Variants in SLC35F1 observed in about 807,000 individuals in gnomAD.
The protein encoded by SLC35F1 is chromosome 6 open reading frame 169.
Under a neutral mutation model 48.7 loss-of-function variants are expected in SLC35F1, and 14 were observed. That is an observed-to-expected ratio of 0.29 (90% CI 0.19 to 0.45). The LOEUF (loss-of-function observed/expected upper bound fraction) is 0.45, where lower values mean the gene tolerates loss of function less well. Ranked by LOEUF, SLC35F1 falls within the 20% of genes least tolerant of loss-of-function variation. The probability of loss-of-function intolerance (pLI) is 1.00; values close to 1 mark genes in which losing one functional copy is unlikely to be tolerated. For synonymous variants in SLC35F1, 190 were observed against 202.2 expected, an observed-to-expected ratio of 0.94 and a Z score of 0.51; for missense variants, 404 against 500.0, an observed-to-expected ratio of 0.81 and a Z score of 1.83.
chr6:118,003,227 C>T (rs1384833487), intron 1 of SLC35F1, among the ~76,000 whole-genome samples: 1 of 152,208 alleles, frequency 6.6e-6, no homozygotes, highest in Admixed American at 6.5e-5. Flanking sequence ...TTTGCTGTGG[C>T]ATGGCTGAGT....
intron 1 of SLC35F1, among the ~76,000 whole-genome samples, chr6:117,968,513 A>C (rs935092601): frequency 6.6e-6 from 1 of 152,198 alleles, no homozygotes; most frequent in Non-Finnish European, 1.5e-5. Flanking sequence ...GGAGTGCCAA[A>C]ACTCTACCAA....
intron 1 of SLC35F1, among the ~76,000 whole-genome samples, chr6:118,060,000 G>A (rs553131728): frequency 1.3e-5 from 2 of 152,298 alleles, no homozygotes; most frequent in African/African-American, 4.8e-5. Context: ...GAGAAGTTAA[G>A]TATATAATTG....
At chr6:118,117,190 C>T (rs372387100) in intron 1 of SLC35F1, among the ~76,000 whole-genome samples, 1 of 152,116 alleles carries the variant, frequency 6.6e-6, no homozygotes, top group African/African-American at 2.4e-5. Flanking sequence ...TACACTTAAC[C>T]GTACCAACAC....
rs887467029 is a variant in SLC35F1, at chr6:118,076,871, G to A, written c.174-77574G>A. ...TAACACTGTAATTATTGTAGGCTTA[G>A]ACGCTTTACCATATTTATTTTATAT... On this transcript the variant is annotated intron_variant, in intron 1 of 7. Coordinates refer to ENST00000360388, the MANE Select transcript of SLC35F1 (RefSeq NM_001029858.4). Among the ~76,000 whole-genome samples, 3 of 151,944 alleles carry A rather than the reference G, an allele frequency of 2.0e-5. No individual in the cohort carries two copies. The South Asian group carries it at 6.2e-4, about 32-fold the overall frequency.
At chr6:118,015,898 G>T (rs1026258574) in intron 1 of SLC35F1, among the ~76,000 whole-genome samples, 15 of 152,126 alleles carry the variant, frequency 9.9e-5, no homozygotes, top group African/African-American at 3.1e-4. Context: ...CAGTTTCTCA[G>T]AAATAGACAG....
At chr6:118,078,760 G>T (rs986729531) in intron 1 of SLC35F1, among the ~76,000 whole-genome samples, 5 of 152,134 alleles carry the variant, frequency 3.3e-5, no homozygotes, top group African/African-American at 4.8e-5. Flanking sequence ...AGAAGCTTGG[G>T]TACCCTTTCA....
chr6:118,158,197 T>C (rs1372525194), intron 2 of SLC35F1, among the ~76,000 whole-genome samples: 1 of 152,232 alleles, frequency 6.6e-6, no homozygotes, highest in Non-Finnish European at 1.5e-5. Context: ...CTCAGAATGA[T>C]TATTTGTTTT....
intron 3 of SLC35F1, among the ~76,000 whole-genome samples, chr6:118,245,670 C>T (rs969606517): frequency 5.3e-5 from 8 of 152,268 alleles, no homozygotes; most frequent in African/African-American, 1.4e-4. Context: ...ACCTCCCAGC[C>T]GGCACCCCTT....
chr6:117,932,856 G>A (rs935026038), intron 1 of SLC35F1, among the ~76,000 whole-genome samples: 2 of 152,072 alleles, frequency 1.3e-5, no homozygotes, highest in African/African-American at 2.4e-5. Flanking sequence ...TCCAGGGCCC[G>A]TGAGCCAGCA....
chr6:117,923,720 T>TATATGTATATGTACATATATAC (rs1775963467), intron 1 of SLC35F1, among the ~76,000 whole-genome samples: 1 of 5,874 alleles, frequency 1.7e-4, no homozygotes, highest in Non-Finnish European at 3.2e-4. Flanking sequence ...CATATATACA[T>TATATGTATATGTACATATATAC]ATATACATAT....
intron 1 of SLC35F1, among the ~76,000 whole-genome samples, chr6:118,086,526 A>G (rs1562285438): frequency 2.0e-5 from 3 of 152,210 alleles, no homozygotes; most frequent in African/African-American, 7.2e-5. Flanking sequence ...TTCAATCCAT[A>G]TCTCTTTCTC....
At chr6:118,124,425 C>T (rs1315267630) in intron 1 of SLC35F1, among the ~76,000 whole-genome samples, 5 of 152,078 alleles carry the variant, frequency 3.3e-5, no homozygotes. Flanking sequence ...GAATTGTGCT[C>T]TTCAGTCTTG....
At chr6:118,171,341 T>C (rs1016581393) in intron 2 of SLC35F1, among the ~76,000 whole-genome samples, 2 of 152,228 alleles carry the variant, frequency 1.3e-5, no homozygotes, top group Non-Finnish European at 2.9e-5. Flanking sequence ...TGCAGCTTAC[T>C]TTTTTCACTT....
chr6:118,299,648 T>C (rs1334526458), intron 7 of SLC35F1, among the ~76,000 whole-genome samples: 1 of 152,222 alleles, frequency 6.6e-6, no homozygotes, highest in Admixed American at 6.5e-5. Flanking sequence ...GTGCAGCGAT[T>C]GTAATGCGAA....
chr6:118,166,031 C>T (rs369119296), intron 2 of SLC35F1, among the ~76,000 whole-genome samples: 26 of 152,082 alleles, frequency 1.7e-4, no homozygotes, highest in Admixed American at 1.7e-3. Flanking sequence ...TCTCCAAAGA[C>T]AAGAACTATC....
At chr6:118,068,963 C>A (rs969789757) in intron 1 of SLC35F1, among the ~76,000 whole-genome samples, 4 of 151,924 alleles carry the variant, frequency 2.6e-5, no homozygotes, top group African/African-American at 7.3e-5. Flanking sequence ...ATTTTGTTAA[C>A]CACAGAAATA....
intron 2 of SLC35F1, among the ~76,000 whole-genome samples, chr6:118,183,719 A>G (rs1651591826): frequency 1.3e-5 from 2 of 152,110 alleles, no homozygotes; most frequent in Admixed American, 1.3e-4. Context: ...ACCTAGTTAG[A>G]GATACCATCC....
chr6:117,917,687 A>G (rs973965794), intron 1 of SLC35F1, among the ~76,000 whole-genome samples: 2 of 149,216 alleles, frequency 1.3e-5, no homozygotes, highest in Non-Finnish European at 3.0e-5. Context: ...TACTTTGGCA[A>G]GTAAAGTTAG....
At chr6:118,167,682 G>T (rs1774338966) in intron 2 of SLC35F1, among the ~76,000 whole-genome samples, 3 of 152,172 alleles carry the variant, frequency 2.0e-5, no homozygotes, top group African/African-American at 7.2e-5. Context: ...AAGTGAATGT[G>T]AAGGCTTAAG....
Sources: gnomAD v4.1 joint callset for allele counts (sites outside exome capture counted in the v4.1 genomes callset) on GRCh38, gnomAD v4.1.1 for gene constraint, MANE v1.5 for transcripts, NCBI Gene and HGNC (gene_info 2026-07-23, HGNC 2026-07-21) for gene names.